The following NUP155 variants were observed in gnomAD, a reference collection of about 807,000 sequenced individuals.
NUP155 encodes nucleoporin 155.
NUP155 carries 71 observed loss-of-function variants against 180.4 expected under a neutral mutation model. The observed-to-expected ratio is 0.39, with a 90% CI of 0.33 to 0.48. The LOEUF (loss-of-function observed/expected upper bound fraction) is 0.48, where lower values mean the gene tolerates loss of function less well. Among genes scored for constraint, NUP155 ranks in the 20% least tolerant of loss-of-function variants. The pLI, the probability that NUP155 is intolerant of heterozygous loss-of-function variation, is 0.91. For synonymous variants in NUP155, 582 were observed against 559.5 expected, an observed-to-expected ratio of 1.04 and a Z score of -0.57; for missense variants, 1,553 against 1,648.9, an observed-to-expected ratio of 0.94 and a Z score of 1.01.
At chr5:37,297,321 CAT>C (rs951150408) in intron 32 of NUP155, among the ~76,000 whole-genome samples, 9 of 151,910 alleles carry the variant, frequency 5.9e-5, no homozygotes, top group South Asian at 2.1e-4. Flanking sequence ...ACAAAGCCCA[CAT>C]GATTATTTCT....
intron 11 of NUP155, among the ~76,000 whole-genome samples, chr5:37,340,280 A>C (rs1245816439): frequency 2.0e-5 from 3 of 152,054 alleles, no homozygotes; most frequent in Admixed American, 1.3e-4. Flanking sequence ...ATCTCTACAA[A>C]AAGTACAAAA....
intron 1 of NUP155, among the ~76,000 whole-genome samples, chr5:37,370,382 A>G (rs530159587): frequency 1.3e-5 from 2 of 152,216 alleles, no homozygotes; most frequent in Non-Finnish European, 2.9e-5. Flanking sequence ...CAATAAATAA[A>G]CAAATAAATA....
At chr5:37,352,358 CA>C (rs1561808122) in intron 5 of NUP155, among the ~76,000 whole-genome samples, 2 of 151,574 alleles carry the variant, frequency 1.3e-5, no homozygotes, top group African/African-American at 4.9e-5. Flanking sequence ...ACTCCCTTAT[CA>C]AAAACAAACA....
rs200849271 is a variant in NUP155 at position 37,309,120 on chromosome 5, A to G, written c.2767+9T>C. On this transcript the variant is annotated intron_variant, in intron 24 of 34. Transcript: ENST00000231498. ...GAGTAAAAGATACAAGAAACATTTT[A>G]TTTCTCACCTTGTCTATACTGAGCA... is the stretch of plus-strand genomic sequence containing the variant. 4.1e-5 allele frequency: 66 copies of G among 1,612,168 alleles called. No individual in the cohort carries two copies. The East Asian group carries it at 1.4e-3, about 34-fold the overall frequency.
At chr5:37,363,045 G>A (rs988734451) in intron 3 of NUP155, among the ~76,000 whole-genome samples, 2 of 152,078 alleles carry the variant, frequency 1.3e-5, no homozygotes, top group Admixed American at 1.3e-4. Context: ...CCGAGTGGCT[G>A]GGACTACAGG....
intron 4 of NUP155, 22 bp downstream of exon 4, chr5:37,358,059 T>C (rs769485418): frequency 1.3e-6 from 2 of 1,529,804 alleles, no homozygotes; most frequent in Non-Finnish European, 1.8e-6. Flanking sequence ...CATAATCTCT[T>C]CCTTATAGTT....
intron 32 of NUP155, among the ~76,000 whole-genome samples, chr5:37,297,731 TATAAAC>T (rs1218484243): frequency 6.6e-6 from 1 of 152,114 alleles, no homozygotes; most frequent in Non-Finnish European, 1.5e-5. Flanking sequence ...TTCACACACT[TATAAAC>T]ATTTATATAA....
intron 1 of NUP155, chr5:37,370,616 T>G: frequency 1.4e-6 from 2 of 1,462,322 alleles, no homozygotes; most frequent in South Asian, 2.7e-5. Flanking sequence ...TGCTCTTCAC[T>G]CTTGCCCTCT....
chr5:37,296,870 C>T (rs1742610438), intron 32 of NUP155, among the ~76,000 whole-genome samples: 2 of 152,048 alleles, frequency 1.3e-5, no homozygotes, highest in South Asian at 4.1e-4. Context: ...TTATCATAAA[C>T]AGTAACAGCC....
intron 9 of NUP155, among the ~76,000 whole-genome samples, chr5:37,345,381 G>A (rs867561282): frequency 2.0e-5 from 3 of 151,650 alleles, no homozygotes; most frequent in African/African-American, 4.8e-5. Flanking sequence ...GGTGGCGCAC[G>A]TCTGTGGTCT....
At chr5:37,323,183 G>A (rs1255849973) in intron 20 of NUP155, among the ~76,000 whole-genome samples, 1 of 149,800 alleles carries the variant, frequency 6.7e-6, no homozygotes, top group Admixed American at 6.6e-5. Flanking sequence ...TACTTGGGAG[G>A]CTGAGGCAGG....
chr5:37,311,246 T>C (rs1027689077), intron 22 of NUP155, among the ~76,000 whole-genome samples: 3 of 152,198 alleles, frequency 2.0e-5, no homozygotes, highest in Admixed American at 6.5e-5. Context: ...ATCTCTTTTT[T>C]CTAAATTCAA....
At chr5:37,332,737 T>C (rs942802987) in intron 13 of NUP155, among the ~76,000 whole-genome samples, 2 of 152,070 alleles carry the variant, frequency 1.3e-5, no homozygotes, top group African/African-American at 4.8e-5. Context: ...GGTGGGTGGA[T>C]AGCTTGAGCT....
intron 22 of NUP155, among the ~76,000 whole-genome samples, chr5:37,311,504 A>G (rs1743523080): frequency 6.6e-6 from 1 of 152,144 alleles, no homozygotes; most frequent in Non-Finnish European, 1.5e-5. Flanking sequence ...AACAGTATGT[A>G]TTTAAAAGAA....
At chr5:37,313,473 A>ATG (rs34904169) in intron 22 of NUP155, among the ~76,000 whole-genome samples, 23,865 of 143,282 alleles carry the variant, frequency 0.17, 2,148 homozygotes, top group Non-Finnish European at 0.22. Context: ...AGTGGTGTAT[A>ATG]TGTGTGTGTG....
intron 13 of NUP155, among the ~76,000 whole-genome samples, chr5:37,332,955 AAAATAAAATAAAAT>A (rs1383783535): frequency 6.6e-6 from 1 of 151,956 alleles, no homozygotes; most frequent in Non-Finnish European, 1.5e-5. Flanking sequence ...GACCTTGTCT[AAAATAAAATAAAAT>A]AAATAAAATA....
At chr5:37,317,847 C>A in intron 21 of NUP155, 141 bp downstream of exon 21, 1 of 679,914 alleles carries the variant, frequency 1.5e-6, no homozygotes, top group East Asian at 2.7e-5. Flanking sequence ...GCCACCACCC[C>A]GGACCCAATT....
At chr5:37,329,308 T>C in intron 15 of NUP155, 30 bp from the exon 16 acceptor site, 1 of 1,548,960 alleles carries the variant, frequency 6.5e-7, no homozygotes. Flanking sequence ...TTGAGTTTAT[T>C]CAGTAAAACA....
At chr5:37,330,191 T>G in intron 14 of NUP155, 59 bp from the exon 15 acceptor site, 1 of 1,148,574 alleles carries the variant, frequency 8.7e-7, no homozygotes, top group African/African-American at 1.5e-5. Context: ...ATGATTTGTG[T>G]ACTGCTAGAT....
Sources: gnomAD v4.1 joint callset for allele counts (sites outside exome capture counted in the v4.1 genomes callset) on GRCh38, gnomAD v4.1.1 for gene constraint, MANE v1.5 for transcripts, NCBI Gene and HGNC (gene_info 2026-07-23, HGNC 2026-07-21) for gene names.